NCAPH: variants seen among roughly 807,000 people sequenced by gnomAD.
NCAPH encodes non-SMC condensin I complex subunit H.
In NCAPH, 38 loss-of-function variants were observed where a neutral mutation model predicts 85.5. The ratio of observed to expected loss-of-function variants is 0.44; its 90% confidence interval spans 0.34 to 0.58. The LOEUF (loss-of-function observed/expected upper bound fraction) is 0.58, where lower values mean the gene tolerates loss of function less well. Ranked by LOEUF, NCAPH falls within the 20% of genes least tolerant of loss-of-function variation. The pLI is 0.01. For missense variants in NCAPH, 789 were observed against 916.6 expected (o/e 0.86, Z 1.80); for synonymous variants, 301 against 335.1 (o/e 0.90, Z 1.11).
rs1181466898 is a variant in NCAPH, at chr2:96,373,829, A to G, written c.*478A>G. 6.5e-6 allele frequency: 1 copy of G among 153,016 alleles called. No homozygotes were observed. Among genetic ancestry groups the G allele is most frequent in the Non-Finnish European group, 1.5e-5 (1 of 68,320 alleles). 9.5% of individuals were successfully genotyped at this position (153,016 alleles called of 1,614,324 possible). On this transcript the variant is annotated 3_prime_UTR_variant, in exon 18 of 18. Coordinates refer to ENST00000240423, the MANE Select transcript of NCAPH (RefSeq NM_015341.5). The stretch of plus-strand genomic sequence containing the variant: ...ATGCTCAAAAATAAAATTCTTAATA[A>G]TAGAACTGGCAAAATATTTGAGTGT...
At chr2:96,335,997 G>T (rs887790969) in intron 1 of NCAPH, 149 bp downstream of exon 1, 1 of 813,184 alleles carries the variant, frequency 1.2e-6, no homozygotes, top group Non-Finnish European at 1.7e-6. Flanking sequence ...AGGCCGGTGC[G>T]GGGGGAGGGG....
intron 6 of NCAPH, among the ~76,000 whole-genome samples, chr2:96,344,637 A>C (rs929438105): frequency 3.9e-5 from 6 of 152,206 alleles, no homozygotes; most frequent in Non-Finnish European, 7.3e-5. Context: ...ACTGAGGCAC[A>C]ATGACTTGCC....
chr2:96,369,592 T>C (rs1234718725), intron 17 of NCAPH, 92 bp downstream of exon 17: 2 of 1,304,706 alleles, frequency 1.5e-6, no homozygotes, highest in African/African-American at 1.5e-5. Flanking sequence ...TGGGCTAACA[T>C]AGGATTTCTT....
chr2:96,354,195 C>T lies in NCAPH; in HGVS notation c.1015C>T (p.Leu339=). 6.2e-7 allele frequency: 1 copy of T among 1,613,934 alleles called. No individual in the cohort carries two copies. Among genetic ancestry groups the T allele is most frequent in the Non-Finnish European group, 8.5e-7 (1 of 1,179,914 alleles). Residue 339 remains leucine (L), a synonymous_variant, in exon 9 of 18, where the codon CTG becomes TTG. Coordinates refer to ENST00000240423, the MANE Select transcript of NCAPH (RefSeq NM_015341.5). The part of the protein sequence containing the change: ...SETHNESVSA[L]VDKFKKNDQV... ...TTTGTCCCTCCAGTCTGTGTCGGCC[C>T]TGGTAGACAAGTTTAAGAAGAATGA...
chr2:96,370,864 T>C (rs1281703133), intron 17 of NCAPH, among the ~76,000 whole-genome samples: 1 of 152,132 alleles, frequency 6.6e-6, no homozygotes, highest in Non-Finnish European at 1.5e-5. Context: ...TCAGAGCCCT[T>C]GGGAATGGTT....
chr2:96,347,411 T>G (rs2064376471), intron 6 of NCAPH, among the ~76,000 whole-genome samples: 1 of 140,706 alleles, frequency 7.1e-6, no homozygotes, highest in South Asian at 3.8e-4. Context: ...TAGGCAAACA[T>G]TATTGTAATA....
Position 96,357,747 on chromosome 2 carries a change from G to A in NCAPH, c.1209-1298G>A, listed in dbSNP as rs1379670761. The stretch of plus-strand genomic sequence containing the variant: ...AATAAATGCACAAATGTAGTCTCCT[G>A]TTTTTGTTTTTTAAAATTCTGTATG... On this transcript the variant is annotated intron_variant, in intron 9 of 17. Coordinates refer to ENST00000240423, the MANE Select transcript of NCAPH (RefSeq NM_015341.5). 2.0e-5 allele frequency among the ~76,000 whole-genome samples: 3 copies of A among 152,040 alleles called. No homozygotes were observed. The East Asian group carries it at 5.8e-4, about 29-fold the overall frequency.
At chr2:96,360,334 T>G (rs767026870) in intron 11 of NCAPH, 85 bp downstream of exon 11, 1 of 900,606 alleles carries the variant, frequency 1.1e-6, no homozygotes, top group East Asian at 2.5e-5. Context: ...AATTTAACTG[T>G]TAGAGCAAAC....
At chr2:96,365,777 A>G (rs540161014) in intron 13 of NCAPH, 99 bp from the exon 14 acceptor site, 3 of 1,189,902 alleles carry the variant, frequency 2.5e-6, no homozygotes, top group African/African-American at 1.5e-5. Context: ...GAACCATCAG[A>G]TGGTCTCTTC....
At position 96,342,069 on chromosome 2, in the gene NCAPH, A is replaced by G; in HGVS notation, c.292A>G (p.Thr98Ala). 1 of 1,612,330 alleles carries G rather than the reference A, an allele frequency of 6.2e-7. No homozygotes were observed. The highest frequency in any genetic ancestry group is 8.5e-7 in the Non-Finnish European group (1 of 1,178,332). The change falls in exon 3 of 18, where the codon ACT becomes GCT. Residue 98 changes from threonine to alanine, a missense_variant. By Grantham distance (58) the Thr-to-Ala change is moderately conservative. Coordinates refer to ENST00000240423, the MANE Select transcript of NCAPH (RefSeq NM_015341.5). ...PSSRSIDISA[T>A]IPKFTNTQIT... is the part of the protein sequence containing the mutation. ...ATTTAGGAGTATTGACATTTCAGCT[A>G]CTATCCCCAAGTTTACAAACACGCA...
At chr2:96,345,549 G>T (rs1322966302) in intron 6 of NCAPH, among the ~76,000 whole-genome samples, 1 of 152,192 alleles carries the variant, frequency 6.6e-6, no homozygotes, top group East Asian at 1.9e-4. Flanking sequence ...CTCCCTTGGA[G>T]CCTGTAGTCT....
chr2:96,371,088 AATT>A (rs1246772339), intron 17 of NCAPH, among the ~76,000 whole-genome samples: 1 of 152,178 alleles, frequency 6.6e-6, no homozygotes, highest in Non-Finnish European at 1.5e-5. Flanking sequence ...ATAAAAAATA[AATT>A]ATTATCATTG....
At position 96,342,848 on chromosome 2, in the gene NCAPH, A is replaced by G. The variant is rs769117854; in HGVS notation, c.456A>G (p.Lys152=). ...KQKDTEPTNF[K]VAAGTLDAST... ...AAGACACCGAACCAACCAACTTTAA[A>G]GTAAGAAGGATGTCCACTTTCTCTT... The change falls in exon 4 of 18, where the codon AAA becomes AAG. Residue 152 remains lysine, a splice_region_variant and synonymous_variant. Transcript: ENST00000240423. 1 of 1,605,742 alleles carries G rather than the reference A, an allele frequency of 6.2e-7. No homozygotes were observed. Among genetic ancestry groups the G allele is most frequent in the Non-Finnish European group, 8.5e-7 (1 of 1,173,296 alleles).
Position 96,359,094 on chromosome 2 carries a change from C to CT in NCAPH, c.1260dup (p.Leu421SerfsTer28). 6.2e-7 allele frequency: 1 copy of CT among 1,614,218 alleles called. No homozygotes were observed. The highest frequency in any genetic ancestry group is 2.2e-5 in the East Asian group (1 of 44,892). ...TGGAGACATCAGGACCATGTGCCCC[C>CT]TTCTGTCTATGAAACCTGGAGAATA... On this transcript the variant is annotated frameshift_variant, in exon 10 of 18. Coordinates refer to ENST00000240423, the MANE Select transcript of NCAPH (RefSeq NM_015341.5). LOFTEE classifies it high-confidence loss of function.
At chr2:96,351,354 G>A (rs370335371) in intron 6 of NCAPH, among the ~76,000 whole-genome samples, 6 of 152,104 alleles carry the variant, frequency 3.9e-5, no homozygotes, top group African/African-American at 1.4e-4. Flanking sequence ...CTTTTGAACC[G>A]GGATTTTATC....
chr2:96,343,841 C>G (rs1319625354), intron 5 of NCAPH, among the ~76,000 whole-genome samples: 1 of 151,990 alleles, frequency 6.6e-6, no homozygotes, highest in Non-Finnish European at 1.5e-5. Context: ...GCTGGGACTA[C>G]AGGTGTGCAT....
chr2:96,337,612 G>T (rs1181546499), intron 1 of NCAPH, among the ~76,000 whole-genome samples: 6 of 152,126 alleles, frequency 3.9e-5, no homozygotes, highest in Admixed American at 6.5e-5. Context: ...TAGGAACGGG[G>T]TTTCACCGTG....
chr2:96,341,916 T>G (rs180920844), intron 2 of NCAPH, 22 bp downstream of exon 2: 2 of 1,605,980 alleles, frequency 1.2e-6, no homozygotes, highest in Admixed American at 3.3e-5. Flanking sequence ...CTGGGCTGTT[T>G]CTCCTTGAGG....
intron 7 of NCAPH, among the ~76,000 whole-genome samples, chr2:96,352,823 T>TAGTTG (rs2064463542): frequency 6.6e-6 from 1 of 152,246 alleles, no homozygotes; most frequent in Non-Finnish European, 1.5e-5. Context: ...TAGTATAGTT[T>TAGTTG]TTGTGCTAAC....
Sources: gnomAD v4.1 joint callset for allele counts (sites outside exome capture counted in the v4.1 genomes callset) on GRCh38, gnomAD v4.1.1 for gene constraint, MANE v1.5 for transcripts, NCBI Gene and HGNC (gene_info 2026-07-23, HGNC 2026-07-21) for gene names.